The following TMEM108 variants were observed in gnomAD, a reference collection of about 807,000 sequenced individuals.
The protein encoded by TMEM108 is transmembrane protein 108.
In TMEM108, 12 loss-of-function variants were observed where a neutral mutation model predicts 35.1. That is an observed-to-expected ratio of 0.34 (90% CI 0.22 to 0.55). TMEM108 has a LOEUF of 0.55. TMEM108 is among the 20% of genes least tolerant of loss of function. The pLI, the probability that TMEM108 is intolerant of heterozygous loss-of-function variation, is 0.89. For missense variants in TMEM108, 680 were observed against 753.3 expected, an observed-to-expected ratio of 0.90 and a Z score of 1.14; for synonymous variants, 287 against 308.6, an observed-to-expected ratio of 0.93 and a Z score of 0.73.
At chr3:133,173,396 T>C (rs952896659) in intron 2 of TMEM108, among the ~76,000 whole-genome samples, 4 of 152,238 alleles carry the variant, frequency 2.6e-5, no homozygotes, top group Admixed American at 6.5e-5. Flanking sequence ...CAAACCAAGA[T>C]TCAGATCATT....
chr3:133,292,268 C>T (rs1444241000), intron 3 of TMEM108, among the ~76,000 whole-genome samples: 1 of 152,170 alleles, frequency 6.6e-6, no homozygotes, highest in Non-Finnish European at 1.5e-5. Flanking sequence ...CAAAAAACTG[C>T]TCAGGTAGGA....
chr3:133,383,669 A>G (rs534947520), intron 4 of TMEM108, among the ~76,000 whole-genome samples: 33 of 152,322 alleles, frequency 2.2e-4, no homozygotes, highest in African/African-American at 6.7e-4. Context: ...CCATGCATAA[A>G]AATGTCAGCC....
intron 2 of TMEM108, among the ~76,000 whole-genome samples, chr3:133,094,688 T>C (rs577916287): frequency 2.0e-5 from 3 of 152,360 alleles, no homozygotes; most frequent in East Asian, 1.9e-4. Flanking sequence ...TCAGCCACCT[T>C]TTCCACTTGT....
intron 3 of TMEM108, among the ~76,000 whole-genome samples, chr3:133,244,718 C>T (rs1408760807): frequency 1.3e-5 from 2 of 152,154 alleles, no homozygotes; most frequent in Non-Finnish European, 2.9e-5. Context: ...CCAAATTTCC[C>T]GAAGTTCAAG....
At chr3:133,191,772 T>C (rs1297216614) in intron 2 of TMEM108, among the ~76,000 whole-genome samples, 1 of 152,100 alleles carries the variant, frequency 6.6e-6, no homozygotes, top group East Asian at 1.9e-4. Flanking sequence ...TCAGATTGGA[T>C]TTTTAGAAGC....
chr3:133,050,121 A>G (rs1317872642), intron 2 of TMEM108, among the ~76,000 whole-genome samples: 1 of 152,146 alleles, frequency 6.6e-6, no homozygotes, highest in African/African-American at 2.4e-5. Flanking sequence ...CAAAGATATA[A>G]AGTTTCCTGA....
chr3:133,314,027 G>A (rs970133637), intron 3 of TMEM108, among the ~76,000 whole-genome samples: 2 of 152,030 alleles, frequency 1.3e-5, no homozygotes, highest in African/African-American at 2.4e-5. Flanking sequence ...CCTTTCTGCT[G>A]TCTTATTAAT....
chr3:133,185,804 CAG>C (rs1356563924), intron 2 of TMEM108, among the ~76,000 whole-genome samples: 1 of 93,074 alleles, frequency 1.1e-5, no homozygotes, highest in Admixed American at 1.1e-4. Flanking sequence ...TTTTTTGAGA[CAG>C]AGTCTTGCTC....
intron 2 of TMEM108, among the ~76,000 whole-genome samples, chr3:133,067,998 C>T (rs57299175): frequency 0.099 from 14,971 of 151,882 alleles, 1,493 homozygotes; most frequent in African/African-American, 0.25. Context: ...GCACATAAGA[C>T]AGAGGGGAAA....
chr3:133,146,511 A>G (rs9859597), intron 2 of TMEM108, among the ~76,000 whole-genome samples: 32,847 of 151,948 alleles, frequency 0.22, 4,418 homozygotes, highest in Non-Finnish European at 0.3. Flanking sequence ...CTCTTTTTCT[A>G]TTGTTTGAAA....
intron 2 of TMEM108, among the ~76,000 whole-genome samples, chr3:133,070,745 A>ATGTATGTG (rs1553729587): frequency 6.7e-6 from 1 of 148,322 alleles, no homozygotes; most frequent in Non-Finnish European, 1.5e-5. Context: ...TCTCTGATGT[A>ATGTATGTG]TGTGTGTGTG....
intron 2 of TMEM108, among the ~76,000 whole-genome samples, chr3:133,099,915 C>T (rs1944065621): frequency 6.6e-6 from 1 of 152,216 alleles, no homozygotes; most frequent in African/African-American, 2.4e-5. Flanking sequence ...CAGCCTCTGC[C>T]TGTTACCCAG....
chr3:133,283,668 A>T (rs1045231188), intron 3 of TMEM108, among the ~76,000 whole-genome samples: 3 of 152,194 alleles, frequency 2.0e-5, no homozygotes, highest in Non-Finnish European at 1.5e-5. Flanking sequence ...GTCAGTCCAG[A>T]TGAAGCTTAA....
intron 2 of TMEM108, among the ~76,000 whole-genome samples, chr3:133,087,153 G>C (rs965704941): frequency 1.3e-5 from 2 of 152,118 alleles, no homozygotes; most frequent in African/African-American, 4.8e-5. Context: ...TCCTCTCTGG[G>C]CTCCTCCCTT....
chr3:133,072,603 A>G (rs1943689464), intron 2 of TMEM108, among the ~76,000 whole-genome samples: 1 of 152,172 alleles, frequency 6.6e-6, no homozygotes, highest in Non-Finnish European at 1.5e-5. Context: ...TCTTTACCGC[A>G]TACCTTATGG....
At chr3:133,175,623 G>T (rs1338298816) in intron 2 of TMEM108, among the ~76,000 whole-genome samples, 6 of 152,164 alleles carry the variant, frequency 3.9e-5, no homozygotes, top group Non-Finnish European at 5.9e-5. Context: ...AGCAAATGCT[G>T]AGAGATTTTG....
At chr3:133,092,675 GATA>G (rs1398461540) in intron 2 of TMEM108, among the ~76,000 whole-genome samples, 1 of 152,048 alleles carries the variant, frequency 6.6e-6, no homozygotes, top group African/African-American at 2.4e-5. Flanking sequence ...GTATAGTCTT[GATA>G]ATGTTAATAG....
At position 133,040,881 on chromosome 3, in the gene TMEM108, A is replaced by G. The variant is rs552217227; in HGVS notation, c.-166+2446A>G. Among the ~76,000 whole-genome samples, 19 of 152,362 alleles carry G rather than the reference A, an allele frequency of 1.2e-4. 1 individual carries two copies. The highest frequency in any genetic ancestry group is 2.9e-4 in the African/African-American group (12 of 41,592). On this transcript the variant is annotated intron_variant, in intron 1 of 5. Coordinates refer to ENST00000321871, the MANE Select transcript of TMEM108 (RefSeq NM_023943.4). ...GTCCCCTGGGTCAGGGACGGGGAAC[A>G]TAGAGAGTGAATGAGAGAGATTAGA... is the stretch of plus-strand genomic sequence containing the variant.
rs186664528 is a variant in TMEM108 at position 133,141,508 on chromosome 3, C to T, written c.-46-87758C>T. On this transcript the variant is annotated intron_variant, in intron 2 of 5. Coordinates refer to ENST00000321871, the MANE Select transcript of TMEM108 (RefSeq NM_023943.4). ...CAAGAGCAGAAAAAGTAACCTCAGACGCTACCTGTCCATGGGATGGGCTGT... is the reference window on the plus strand; with the variant it reads ...CAAGAGCAGAAAAAGTAACCTCAGATGCTACCTGTCCATGGGATGGGCTGT... 4.2e-4 allele frequency among the ~76,000 whole-genome samples: 64 copies of T among 152,250 alleles called. No individual in the cohort carries two copies. The East Asian group carries it at 9.5e-3, about 22-fold the overall frequency.
Sources: allele counts gnomAD v4.1 joint callset (sites outside exome capture counted in the v4.1 genomes callset), GRCh38; gene constraint gnomAD v4.1.1; transcripts MANE v1.5; gene names NCBI Gene and HGNC (gene_info 2026-07-23, HGNC 2026-07-21).